NPAS2: variants seen among roughly 807,000 people sequenced by gnomAD.
NPAS2 encodes neuronal PAS domain-containing protein 2.
NPAS2 carries 23 observed loss-of-function variants against 107.5 expected under a neutral mutation model. The observed-to-expected ratio is 0.21, with a 90% CI of 0.15 to 0.30. The LOEUF is 0.30. Among genes scored for constraint, NPAS2 ranks in the 10% least tolerant of loss-of-function variants. The pLI is 1.00. For synonymous variants in NPAS2, 403 were observed against 417.5 expected, an observed-to-expected ratio of 0.97 and a Z score of 0.42; for missense variants, 756 against 1,043.3, an observed-to-expected ratio of 0.72 and a Z score of 3.79.
intron 7 of NPAS2, among the ~76,000 whole-genome samples, chr2:100,957,251 TG>T (rs1675621992): frequency 6.6e-6 from 1 of 152,196 alleles, no homozygotes; most frequent in East Asian, 1.9e-4. Flanking sequence ...TAACCCAGTC[TG>T]TGCAAAGCCT....
At chr2:100,930,852 A>T (rs1250985612) in intron 3 of NPAS2, among the ~76,000 whole-genome samples, 1 of 152,260 alleles carries the variant, frequency 6.6e-6, no homozygotes, top group Non-Finnish European at 1.5e-5. Context: ...GGGCTGCCAT[A>T]AAGACTCTTC....
chr2:100,974,477 C>G (rs563123666), intron 12 of NPAS2, among the ~76,000 whole-genome samples: 70 of 152,138 alleles, frequency 4.6e-4, no homozygotes, highest in Non-Finnish European at 9.3e-4. Context: ...CCTCCTTCCC[C>G]CTTCTTGGAA....
At chr2:100,878,002 C>T (rs904984276) in intron 1 of NPAS2, 10 of 985,244 alleles carry the variant, frequency 1.0e-5, no homozygotes, top group African/African-American at 7.0e-5. Context: ...TTATCAGTTA[C>T]GTGTGGTATA....
intron 1 of NPAS2, among the ~76,000 whole-genome samples, chr2:100,865,524 A>G (rs1190408870): frequency 6.6e-6 from 1 of 152,196 alleles, no homozygotes; most frequent in African/African-American, 2.4e-5. Context: ...ACTTTGTAGG[A>G]CACCTTTGCT....
At chr2:100,865,131 A>G (rs1679175518) in intron 1 of NPAS2, among the ~76,000 whole-genome samples, 2 of 152,240 alleles carry the variant, frequency 1.3e-5, no homozygotes, top group Admixed American at 1.3e-4. Context: ...TTTAGACTTT[A>G]TGGATCCCCT....
intron 1 of NPAS2, among the ~76,000 whole-genome samples, chr2:100,855,992 AC>A (rs1039150984): frequency 6.6e-6 from 1 of 151,636 alleles, no homozygotes; most frequent in Non-Finnish European, 1.5e-5. Context: ...CCTCGAAATA[AC>A]CCCCCTCCCT....
intron 1 of NPAS2, among the ~76,000 whole-genome samples, chr2:100,899,196 G>A (rs180745829): frequency 3.3e-5 from 5 of 151,850 alleles, no homozygotes; most frequent in Admixed American, 3.3e-4. Flanking sequence ...GGAAGTCTGA[G>A]CAAGTTTGTC....
intron 1 of NPAS2, chr2:100,878,199 C>G: frequency 1.0e-6 from 1 of 985,302 alleles, no homozygotes; most frequent in Non-Finnish European, 1.2e-6. Context: ...GAGCAGTGGC[C>G]CTGGCTCCAG....
chr2:100,838,173 C>CTTT (rs35830048), intron 1 of NPAS2, among the ~76,000 whole-genome samples: 1 of 134,056 alleles, frequency 7.5e-6, no homozygotes, highest in Non-Finnish European at 1.6e-5. Flanking sequence ...CCTGGGTTAG[C>CTTT]TTTTTTTTTT....
Position 100,909,814 on chromosome 2 carries a change from A to T in NPAS2, c.32+5028A>T, listed in dbSNP as rs1285028100. Among the ~76,000 whole-genome samples, 3 of 151,956 alleles carry T rather than the reference A, an allele frequency of 2.0e-5. 1 individual carries two copies. The highest frequency in any genetic ancestry group is 7.3e-5 in the African/African-American group (3 of 41,346). ...AGGTAATAGGACATGCGATTCGTGT[A>T]TATTACCTTGTAATTTCCAGATGAG... On this transcript the variant is annotated intron_variant, in intron 2 of 20. Transcript: ENST00000335681.
intron 1 of NPAS2, among the ~76,000 whole-genome samples, chr2:100,840,602 C>CT (rs1677339325): frequency 7.4e-6 from 1 of 135,614 alleles, no homozygotes; most frequent in Non-Finnish European, 1.6e-5. Flanking sequence ...CCACAGCCCC[C>CT]ATTTTTTTTT....
chr2:100,877,032 C>T (rs928163445), intron 1 of NPAS2, among the ~76,000 whole-genome samples: 16 of 152,212 alleles, frequency 1.1e-4, no homozygotes, highest in Admixed American at 1.3e-4. Context: ...TCACCCTCCT[C>T]GGGGCCCTCT....
chr2:100,884,543 C>G (rs528112056), intron 1 of NPAS2, among the ~76,000 whole-genome samples: 1 of 152,144 alleles, frequency 6.6e-6, no homozygotes, highest in African/African-American at 2.4e-5. Flanking sequence ...TACATGCTCT[C>G]GCACACACAT....
intron 1 of NPAS2, among the ~76,000 whole-genome samples, chr2:100,869,736 C>T (rs1452773037): frequency 6.6e-6 from 1 of 152,080 alleles, no homozygotes; most frequent in Non-Finnish European, 1.5e-5. Context: ...TTAGGCATAC[C>T]CCTCCCCTCC....
At chr2:100,938,178 G>A (rs866452550) in intron 5 of NPAS2, among the ~76,000 whole-genome samples, 17 of 152,314 alleles carry the variant, frequency 1.1e-4, no homozygotes, top group Middle Eastern at 3.4e-3. Context: ...CATGGAGGCT[G>A]ACAGACATCC....
intron 2 of NPAS2, 94 bp from the exon 3 acceptor site, chr2:100,925,052 A>T: frequency 7.6e-7 from 1 of 1,324,018 alleles, no homozygotes; most frequent in Non-Finnish European, 1.0e-6. Context: ...AGATGATCAC[A>T]ATAGAATGTG....
In NPAS2 at chr2:100,904,496, C is replaced by T. The variant is rs149538627; in HGVS notation, c.-22-237C>T. Among the ~76,000 whole-genome samples, 58 of 54,442 alleles carry T rather than the reference C, an allele frequency of 1.1e-3. No individual in the cohort carries two copies. The East Asian group carries it at 0.017, about 16-fold the overall frequency. The allele number at this position is 54,442 out of a possible 152,430, so 35.7% of individuals were successfully genotyped here. On this transcript the variant is annotated intron_variant, in intron 1 of 20. Transcript: ENST00000335681. ...TTGACATCTGATGACTTCATTGCTC[C>T]GATGCCCAATGAAAGAGTGCCTGTG...
chr2:100,921,801 G>C (rs909231654), intron 2 of NPAS2, among the ~76,000 whole-genome samples: 1 of 152,174 alleles, frequency 6.6e-6, no homozygotes. Context: ...ACGCTTAGCA[G>C]ATGACCCAGC....
chr2:100,908,022 G>T (rs2104793590), intron 2 of NPAS2, among the ~76,000 whole-genome samples: 1 of 152,014 alleles, frequency 6.6e-6, no homozygotes, highest in East Asian at 1.9e-4. Context: ...GTGTTGTAGG[G>T]TGTGTGTGTG....
Sources: gnomAD v4.1 joint callset for allele counts (sites outside exome capture counted in the v4.1 genomes callset) on GRCh38, gnomAD v4.1.1 for gene constraint, MANE v1.5 for transcripts, NCBI Gene and HGNC (gene_info 2026-07-23, HGNC 2026-07-21) for gene names.